The following DPP10 variants were observed in gnomAD, a reference collection of about 807,000 sequenced individuals.
The protein encoded by DPP10 is inactive dipeptidyl peptidase 10.
In DPP10, 33 loss-of-function variants were observed where a neutral mutation model predicts 120.9. That is an observed-to-expected ratio of 0.27 (90% CI 0.21 to 0.37). DPP10 has a LOEUF of 0.37. Among genes scored for constraint, DPP10 ranks in the 10% least tolerant of loss-of-function variants. DPP10 has a pLI of 1.00. For missense variants in DPP10, 816 were observed against 942.8 expected (o/e 0.87, Z 1.76); for synonymous variants, 337 against 326.1 (o/e 1.03, Z -0.36).
chr2:114,761,857 A>T (rs1680310497), intron 1 of DPP10, among the ~76,000 whole-genome samples: 1 of 152,164 alleles, frequency 6.6e-6, no homozygotes, highest in Admixed American at 6.5e-5. Flanking sequence ...CTCTGAGAAG[A>T]CTTCAGATAA....
chr2:115,197,768 G>A (rs1024723472), intron 1 of DPP10, among the ~76,000 whole-genome samples: 1 of 152,178 alleles, frequency 6.6e-6, no homozygotes, highest in Non-Finnish European at 1.5e-5. Flanking sequence ...GAAGCAACAG[G>A]ATATTAGGGT....
At chr2:115,371,750 CAG>C (rs1377208304) in intron 3 of DPP10, among the ~76,000 whole-genome samples, 1 of 151,840 alleles carries the variant, frequency 6.6e-6, no homozygotes, top group Admixed American at 6.6e-5. Flanking sequence ...ATTTGAAAAA[CAG>C]TATATATTTT....
chr2:114,815,830 G>T (rs553795833), intron 1 of DPP10, among the ~76,000 whole-genome samples: 4 of 151,434 alleles, frequency 2.6e-5, no homozygotes, highest in Admixed American at 2.6e-4. Context: ...GCAGGTCCCA[G>T]TTCAGCCACC....
rs1375764181 is a variant in DPP10 at position 114,639,526 on chromosome 2, G to A, written c.60+196688G>A. Among the ~76,000 whole-genome samples, 3 of 151,838 alleles carry A rather than the reference G, an allele frequency of 2.0e-5. 1 individual carries two copies. Among genetic ancestry groups the A allele is most frequent in the African/African-American group, 7.3e-5 (3 of 41,124 alleles). ...TAGGGAGAGAGGGAGGGGGACATGGGTTGAAAAACTACTTATTGAGTACTG... is the reference window on the plus strand; with the variant it reads ...TAGGGAGAGAGGGAGGGGGACATGGATTGAAAAACTACTTATTGAGTACTG... On this transcript the variant is annotated intron_variant, in intron 1 of 25. Coordinates refer to ENST00000410059, the MANE Select transcript of DPP10 (RefSeq NM_020868.6).
At chr2:114,646,754 C>G (rs1397098782) in intron 1 of DPP10, among the ~76,000 whole-genome samples, 1 of 152,148 alleles carries the variant, frequency 6.6e-6, no homozygotes, top group African/African-American at 2.4e-5. Flanking sequence ...TCTGGTTGTT[C>G]TCTCAAGGGA....
At chr2:114,809,801 C>T (rs1371014713) in intron 1 of DPP10, among the ~76,000 whole-genome samples, 2 of 152,120 alleles carry the variant, frequency 1.3e-5, no homozygotes, top group Non-Finnish European at 2.9e-5. Context: ...TGAGAATCTG[C>T]ATTTCTAACA....
rs1558904259 is a variant in DPP10, at chr2:114,942,372, C to CATATATAT, written c.61-366866_61-366865insTATATATA. ...ATACATATATATATACATATATATA[C>CATATATAT]ACACACATATATATATATACACACA... On this transcript the variant is annotated intron_variant, in intron 1 of 25. Coordinates refer to ENST00000410059, the MANE Select transcript of DPP10 (RefSeq NM_020868.6). 8.7e-3 allele frequency among the ~76,000 whole-genome samples: 498 copies of CATATATAT among 57,360 alleles called. 16 individuals are homozygous for CATATATAT. The highest frequency in any genetic ancestry group is 0.031 in the African/African-American group (471 of 15,372). The allele number at this position is 57,360 out of a possible 152,430, so 37.6% of individuals were successfully genotyped here. A position where few individuals can be genotyped will look rare whatever the true frequency, so the allele number is the denominator to read the frequency against.
chr2:115,702,818 A>G (rs1396577358), intron 7 of DPP10, among the ~76,000 whole-genome samples: 1 of 152,060 alleles, frequency 6.6e-6, no homozygotes, highest in Non-Finnish European at 1.5e-5. Context: ...CAAACTATAA[A>G]TCTGTAATTT....
intron 1 of DPP10, among the ~76,000 whole-genome samples, chr2:115,100,454 TAA>T (rs199935117): frequency 2.2e-5 from 3 of 134,116 alleles, no homozygotes; most frequent in East Asian, 2.3e-4. Context: ...ACGTCTAAAT[TAA>T]AAAACACACA....
chr2:114,826,584 G>A (rs774813294), intron 1 of DPP10, among the ~76,000 whole-genome samples: 1 of 152,180 alleles, frequency 6.6e-6, no homozygotes, highest in Non-Finnish European at 1.5e-5. Context: ...AGGCTAGCGT[G>A]CAATGTCATG....
chr2:115,605,727 T>C (rs2149234065), intron 5 of DPP10, among the ~76,000 whole-genome samples: 1 of 152,244 alleles, frequency 6.6e-6, no homozygotes, highest in Admixed American at 6.5e-5. Flanking sequence ...TTTTTTTCTC[T>C]TGTAAAAATA....
chr2:114,605,720 C>A (rs1692732710), intron 1 of DPP10, among the ~76,000 whole-genome samples: 1 of 151,956 alleles, frequency 6.6e-6, no homozygotes, highest in Non-Finnish European at 1.5e-5. Context: ...GTCTAGTCAT[C>A]AAATCAAAAG....
At chr2:114,549,213 C>A (rs891401395) in intron 1 of DPP10, among the ~76,000 whole-genome samples, 1 of 151,836 alleles carries the variant, frequency 6.6e-6, no homozygotes, top group Non-Finnish European at 1.5e-5. Context: ...GCTTCTTTCT[C>A]GGTGTCGTAT....
chr2:115,001,692 A>T (rs374924123), intron 1 of DPP10, among the ~76,000 whole-genome samples: 11 of 152,284 alleles, frequency 7.2e-5, no homozygotes, highest in East Asian at 1.9e-4. Flanking sequence ...ACTTCAAAAA[A>T]TTTTTTAAAT....
Position 115,845,703 on chromosome 2 carries a change from A to C in DPP10, c.*3358A>C, listed in dbSNP as rs1038772784. 1.1e-4 allele frequency: 16 copies of C among 152,308 alleles called. No individual in the cohort carries two copies. The highest frequency in any genetic ancestry group is 2.1e-4 in the Non-Finnish European group (14 of 68,022). The allele number at this position is 152,308 out of a possible 1,614,324, so 9.4% of individuals were successfully genotyped here. On this transcript the variant is annotated 3_prime_UTR_variant, in exon 26 of 26. Transcript: ENST00000410059. Reference sequence around the variant, plus strand: ...CCTCCACAAGAAATTATCACTGTGAATATTACAGGAGGAGAAATAAAATAA... The same window carrying C: ...CCTCCACAAGAAATTATCACTGTGACTATTACAGGAGGAGAAATAAAATAA...
chr2:115,260,981 G>C (rs1451583761), intron 1 of DPP10, among the ~76,000 whole-genome samples: 1 of 152,168 alleles, frequency 6.6e-6, no homozygotes, highest in Non-Finnish European at 1.5e-5. Context: ...ATTTGCCCTT[G>C]AATTGTCCTT....
chr2:115,473,862 G>T (rs1284675929), intron 3 of DPP10, among the ~76,000 whole-genome samples: 1 of 152,108 alleles, frequency 6.6e-6, no homozygotes, highest in Non-Finnish European at 1.5e-5. Flanking sequence ...CTGGAGTCTG[G>T]TTTATTGTTG....
At chr2:115,239,634 G>A (rs995711875) in intron 1 of DPP10, among the ~76,000 whole-genome samples, 8 of 152,000 alleles carry the variant, frequency 5.3e-5, no homozygotes, top group African/African-American at 1.9e-4. Flanking sequence ...TTAAGTTCTG[G>A]GATACATGTG....
In DPP10 at chr2:115,544,761, C is replaced by T. The variant is rs150786289; in HGVS notation, c.441+18789C>T. Among the ~76,000 whole-genome samples the T allele has an allele frequency of 4.3e-3, 661 of 152,134 alleles. 1 individual carries two copies. Among genetic ancestry groups the T allele is most frequent in the Non-Finnish European group, 8.1e-3 (550 of 67,976 alleles). On this transcript the variant is annotated intron_variant, in intron 5 of 25. Coordinates refer to ENST00000410059, the MANE Select transcript of DPP10 (RefSeq NM_020868.6). ...AGCATATCCTCCTGAAAAGACTGAACTTTACCTACAGAGGGGTATAAACTG... is the reference window on the plus strand; with the variant it reads ...AGCATATCCTCCTGAAAAGACTGAATTTTACCTACAGAGGGGTATAAACTG...
Sources: gnomAD v4.1 joint callset for allele counts (sites outside exome capture counted in the v4.1 genomes callset) on GRCh38, gnomAD v4.1.1 for gene constraint, MANE v1.5 for transcripts, NCBI Gene and HGNC (gene_info 2026-07-23, HGNC 2026-07-21) for gene names.